Variants in SRPK2 observed in about 807,000 individuals in gnomAD.
The protein encoded by SRPK2 is SRSF protein kinase 2.
Under a neutral mutation model 90.8 loss-of-function variants are expected in SRPK2, and 21 were observed. The observed-to-expected ratio is 0.23, with a 90% CI of 0.16 to 0.33. The LOEUF is 0.33. Among genes scored for constraint, SRPK2 ranks in the 10% least tolerant of loss-of-function variants. The probability of loss-of-function intolerance (pLI) is 1.00; values close to 1 mark genes in which losing one functional copy is unlikely to be tolerated. For synonymous variants in SRPK2, 288 were observed against 311.1 expected (o/e 0.93, Z 0.78); for missense variants, 620 against 869.0 (o/e 0.71, Z 3.60).
At chr7:105,268,237 T>A (rs905462951) in intron 2 of SRPK2, among the ~76,000 whole-genome samples, 2 of 152,222 alleles carry the variant, frequency 1.3e-5, no homozygotes, top group African/African-American at 4.8e-5. Flanking sequence ...CATTACTGCA[T>A]GCAGTGACTG....
chr7:105,176,559 G>GTC (rs1267232926), intron 3 of SRPK2, among the ~76,000 whole-genome samples: 13 of 49,138 alleles, frequency 2.6e-4, no homozygotes, highest in Admixed American at 1.1e-3. Context: ...TTGCATATAT[G>GTC]TGTGTGTGTG....
At chr7:105,291,061 A>G (rs1190581658) in intron 2 of SRPK2, among the ~76,000 whole-genome samples, 2 of 151,252 alleles carry the variant, frequency 1.3e-5, no homozygotes, top group African/African-American at 2.4e-5. Context: ...AAAAAAAAAA[A>G]AAAAGAAATG....
intron 2 of SRPK2, among the ~76,000 whole-genome samples, chr7:105,213,147 G>A (rs1288832196): frequency 1.3e-5 from 2 of 152,122 alleles, no homozygotes; most frequent in African/African-American, 4.8e-5. Context: ...TGCTAGAAGT[G>A]GATGTTTGAC....
chr7:105,301,236 G>A (rs1810510086), intron 2 of SRPK2, among the ~76,000 whole-genome samples: 1 of 145,430 alleles, frequency 6.9e-6, no homozygotes, highest in Non-Finnish European at 1.5e-5. Flanking sequence ...GAGGTCAGGA[G>A]ATCAAGACCA....
chr7:105,345,381 C>A (rs749677621), intron 2 of SRPK2, among the ~76,000 whole-genome samples: 1 of 151,958 alleles, frequency 6.6e-6, no homozygotes, highest in African/African-American at 2.4e-5. Context: ...ACTTCTCTCC[C>A]GTAGATTGAA....
At chr7:105,334,850 A>C (rs1042526127) in intron 2 of SRPK2, among the ~76,000 whole-genome samples, 2 of 146,336 alleles carry the variant, frequency 1.4e-5, no homozygotes, top group African/African-American at 2.6e-5. Flanking sequence ...AAAAAAAAAC[A>C]AAAAAAAAAT....
chr7:105,393,615 G>C (rs972932697), upstream of SRPK2, among the ~76,000 whole-genome samples: 3 of 151,384 alleles, frequency 2.0e-5, no homozygotes, highest in African/African-American at 7.3e-5. Context: ...CTCACTCTAT[G>C]GACATGAGCC....
At chr7:105,360,753 T>C (rs1029529278) in intron 2 of SRPK2, among the ~76,000 whole-genome samples, 10 of 152,174 alleles carry the variant, frequency 6.6e-5, no homozygotes, top group Non-Finnish European at 1.2e-4. Flanking sequence ...TCTGATGGGC[T>C]TCCCTTTGTG....
intron 14 of SRPK2, 132 bp downstream of exon 14, chr7:105,126,861 G>C: frequency 1.1e-6 from 1 of 884,234 alleles, no homozygotes; most frequent in South Asian, 1.7e-5. Context: ...AAACTCAAAG[G>C]AAAAGCATCT....
chr7:105,327,960 C>T (rs1813786313), intron 2 of SRPK2, among the ~76,000 whole-genome samples: 1 of 152,172 alleles, frequency 6.6e-6, no homozygotes, highest in African/African-American at 2.4e-5. Flanking sequence ...ACCACCACAG[C>T]AGGCTAATTT....
intron 2 of SRPK2, among the ~76,000 whole-genome samples, chr7:105,339,465 C>T (rs928899049): frequency 4.7e-4 from 71 of 152,126 alleles, no homozygotes; most frequent in African/African-American, 1.6e-3. Flanking sequence ...ACCTAATTGT[C>T]TTAAATATTG....
chr7:105,196,792 G>C (rs1794968298), intron 3 of SRPK2, among the ~76,000 whole-genome samples: 1 of 152,118 alleles, frequency 6.6e-6, no homozygotes, highest in African/African-American at 2.4e-5. Flanking sequence ...GCTCACACCT[G>C]TAATCCCTGC....
chr7:105,346,723 A>G lies in SRPK2; in HGVS notation c.71+41925T>C, dbSNP rs539454954. The stretch of plus-strand genomic sequence containing the variant: ...CAGTGAGCCAAGATCGCACCACTGC[A>G]CTCTAGCCTGGGTGACAGCGCAAGA... On this transcript the variant is annotated intron_variant, in intron 2 of 15. Transcript: ENST00000393651. 4.6e-5 allele frequency among the ~76,000 whole-genome samples: 7 copies of G among 152,056 alleles called. No homozygotes were observed. In the South Asian group the frequency reaches 1.4e-3, roughly 31 times the overall value.
chr7:105,319,504 C>CGGGGGGGG (rs796955446), intron 2 of SRPK2, among the ~76,000 whole-genome samples: 2 of 5,304 alleles, frequency 3.8e-4, no homozygotes, highest in East Asian at 0.01. Context: ...GCACTTGCGG[C>CGGGGGGGG]GGGGGGGGGG....
intron 2 of SRPK2, among the ~76,000 whole-genome samples, chr7:105,319,016 T>C (rs1812609662): frequency 1.3e-5 from 2 of 152,240 alleles, no homozygotes; most frequent in South Asian, 2.1e-4. Context: ...TATTTTCAAG[T>C]AAAACAAGAA....
At chr7:105,205,085 G>A (rs775494097) in intron 2 of SRPK2, among the ~76,000 whole-genome samples, 23 of 152,114 alleles carry the variant, frequency 1.5e-4, no homozygotes, top group Non-Finnish European at 1.9e-4. Flanking sequence ...CAGGCCAAAG[G>A]AGCTGCCTCA....
At chr7:105,358,809 G>C (rs186649333) in intron 2 of SRPK2, among the ~76,000 whole-genome samples, 54 of 152,242 alleles carry the variant, frequency 3.5e-4, no homozygotes, top group African/African-American at 1.3e-3. Context: ...ATAAAGAAAA[G>C]AGATGTATGT....
At chr7:105,266,779 C>T (rs1805143657) in intron 2 of SRPK2, among the ~76,000 whole-genome samples, 1 of 152,022 alleles carries the variant, frequency 6.6e-6, no homozygotes, top group Admixed American at 6.6e-5. Context: ...GTGTTACAAG[C>T]CATAAATTCT....
chr7:105,354,660 T>C (rs1254676623), intron 2 of SRPK2, among the ~76,000 whole-genome samples: 3 of 152,132 alleles, frequency 2.0e-5, no homozygotes, highest in Non-Finnish European at 4.4e-5. Context: ...CCCTGGTCTC[T>C]ACCTGCTGGC....
Sources: allele counts gnomAD v4.1 joint callset (sites outside exome capture counted in the v4.1 genomes callset), GRCh38; gene constraint gnomAD v4.1.1; transcripts MANE v1.5; gene names NCBI Gene and HGNC (gene_info 2026-07-23, HGNC 2026-07-21).